AHI1: variants seen among roughly 807,000 people sequenced by gnomAD.
AHI1 encodes Abelson helper integration site 1.
Under a neutral mutation model 149.3 loss-of-function variants are expected in AHI1, and 123 were observed. The observed-to-expected ratio is 0.82, with a 90% CI of 0.71 to 0.96. The LOEUF (loss-of-function observed/expected upper bound fraction) is 0.96, where lower values mean the gene tolerates loss of function less well. Ranked by LOEUF, AHI1 falls within the 40% of genes least tolerant of loss-of-function variation. The probability of loss-of-function intolerance (pLI) is 0.00; values close to 1 mark genes in which losing one functional copy is unlikely to be tolerated. For synonymous variants in AHI1, 475 were observed against 459.8 expected (o/e 1.03, Z -0.42); for missense variants, 1,439 against 1,422.7 (o/e 1.01, Z -0.18).
rs75218524 is a variant in AHI1, at chr6:135,490,449, T to C, written c.135+174A>G. On this transcript the variant is annotated intron_variant, in intron 5 of 28. Coordinates refer to ENST00000265602, the MANE Select transcript of AHI1 (RefSeq NM_001134831.2). ...GCACTCAAGAATGAAGTCAATATTC[T>C]CACAGTGATGTTGATTCTAATATAA... is the stretch of plus-strand genomic sequence containing the variant. 5,014 of 740,466 alleles carry C rather than the reference T, an allele frequency of 6.8e-3. 183 individuals are homozygous for C. In the African/African-American group the frequency reaches 0.078, roughly 11 times the overall value. 45.9% of individuals were successfully genotyped at this position (740,466 alleles called of 1,614,324 possible). A position where few individuals can be genotyped will look rare whatever the true frequency, so the allele number is the denominator to read the frequency against.
intron 22 of AHI1, among the ~76,000 whole-genome samples, chr6:135,395,576 T>C (rs909765404): frequency 6.6e-6 from 1 of 151,960 alleles, no homozygotes; most frequent in Non-Finnish European, 1.5e-5. Flanking sequence ...ACTATAGCTC[T>C]TGTAGGAAAA....
At position 135,447,146 on chromosome 6, in the gene AHI1, G is replaced by A. The variant is rs778441668; in HGVS notation, c.1641C>T (p.Tyr547=). ...CCTCCTGAAGAGCCATCATAGAGCG[G>A]TAAGATGGCTTTATCTAAATATGCA... ...LKVPDCIKPS[Y]RSMMALQEEK... The change falls in exon 13 of 29, where the codon TAC becomes TAT. Residue 547 remains tyrosine (Y), a synonymous_variant. Transcript: ENST00000265602. The A allele has an allele frequency of 2.6e-6, 4 of 1,564,622 alleles. No homozygotes were observed. The highest frequency in any genetic ancestry group is 2.6e-6 in the Non-Finnish European group (3 of 1,157,868).
intron 25 of AHI1, among the ~76,000 whole-genome samples, chr6:135,322,208 C>G (rs1179308601): frequency 6.6e-6 from 1 of 152,108 alleles, no homozygotes; most frequent in Non-Finnish European, 1.5e-5. Flanking sequence ...GTAACTGGGG[C>G]GTATGAGTGT....
At chr6:135,286,496 A>G (rs1206336720) in intron 28 of AHI1, 1 of 152,222 alleles carries the variant, frequency 6.6e-6, no homozygotes, top group Non-Finnish European at 1.5e-5. Context: ...AAATCTGGTT[A>G]AGGTAGCAGT....
intron 23 of AHI1, among the ~76,000 whole-genome samples, chr6:135,370,122 A>G (rs1415814946): frequency 6.6e-6 from 1 of 152,228 alleles, no homozygotes; most frequent in Non-Finnish European, 1.5e-5. Context: ...ACATGTAATC[A>G]GTAGACTGAA....
chr6:135,402,800 A>G (rs567859832), intron 22 of AHI1, among the ~76,000 whole-genome samples: 17 of 152,302 alleles, frequency 1.1e-4, no homozygotes, highest in African/African-American at 3.8e-4. Flanking sequence ...TTACTTTAAG[A>G]ATATAGTATA....
At position 135,302,537 on chromosome 6, in the gene AHI1, T is replaced by C. The variant is rs1048036883; in HGVS notation, c.3427-1979A>G. ...CCCTGCCATCTTTTCTACTGTGTAT[T>C]CCTATCACTGGCATACCCAAATCCT... is the stretch of plus-strand genomic sequence containing the variant. On this transcript the variant is annotated intron_variant, in intron 26 of 28. Coordinates refer to ENST00000265602, the MANE Select transcript of AHI1 (RefSeq NM_001134831.2). 4 of 1,089,628 alleles carry C rather than the reference T, an allele frequency of 3.7e-6. No homozygotes were observed. The African/African-American group carries it at 6.7e-5, about 18-fold the overall frequency. The allele number at this position is 1,089,628 out of a possible 1,614,324, so 67.5% of individuals were successfully genotyped here. A position where few individuals can be genotyped will look rare whatever the true frequency, so the allele number is the denominator to read the frequency against.
rs557628969 is a variant in AHI1, at chr6:135,375,224, T to G, written c.3110-17037A>C. On this transcript the variant is annotated intron_variant, in intron 23 of 28. Coordinates refer to ENST00000265602, the MANE Select transcript of AHI1 (RefSeq NM_001134831.2). Reference sequence around the variant, plus strand: ...TAATATGATTTTAATTTTTAAAAAGTTTTTTTTTCCAGCACTAGACAAGTT... The same window carrying G: ...TAATATGATTTTAATTTTTAAAAAGGTTTTTTTTCCAGCACTAGACAAGTT... Among the ~76,000 whole-genome samples, 21 of 151,350 alleles carry G rather than the reference T, an allele frequency of 1.4e-4. No individual in the cohort carries two copies. The South Asian group carries it at 4.4e-3, about 32-fold the overall frequency.
At chr6:135,310,562 T>C (rs1034569471) in intron 26 of AHI1, among the ~76,000 whole-genome samples, 1 of 152,254 alleles carries the variant, frequency 6.6e-6, no homozygotes, top group Non-Finnish European at 1.5e-5. Context: ...TAAGCCAGCA[T>C]GCTCTTATTG....
chr6:135,367,335 T>A (rs1343166666), intron 23 of AHI1, among the ~76,000 whole-genome samples: 1 of 152,174 alleles, frequency 6.6e-6, no homozygotes, highest in Non-Finnish European at 1.5e-5. Context: ...ATGATGTGAC[T>A]AGGTGATGAT....
intron 21 of AHI1, among the ~76,000 whole-genome samples, chr6:135,410,299 G>A (rs551997650): frequency 2.3e-4 from 35 of 152,298 alleles, no homozygotes; most frequent in African/African-American, 8.2e-4. Context: ...GAGCCCAGGC[G>A]TTCGAGACTG....
intron 25 of AHI1, among the ~76,000 whole-genome samples, chr6:135,320,177 A>G (rs1027165871): frequency 2.0e-5 from 3 of 152,138 alleles, no homozygotes; most frequent in Non-Finnish European, 4.4e-5. Context: ...AATAACCCCT[A>G]ATGAAGTGTG....
At chr6:135,300,972 T>A in intron 26 of AHI1, 6 of 986,158 alleles carry the variant, frequency 6.1e-6, no homozygotes, top group Non-Finnish European at 7.2e-6. Flanking sequence ...TACACATTGA[T>A]CTGTATGCAA....
At chr6:135,485,104 G>A (rs996035544) in intron 5 of AHI1, among the ~76,000 whole-genome samples, 12 of 144,950 alleles carry the variant, frequency 8.3e-5, no homozygotes, top group South Asian at 2.1e-4. Context: ...ACAGAGTTTC[G>A]CTCTTGTAGC....
intron 13 of AHI1, among the ~76,000 whole-genome samples, chr6:135,445,142 T>G (rs1207518162): frequency 6.6e-6 from 1 of 152,244 alleles, no homozygotes; most frequent in African/African-American, 2.4e-5. Context: ...TTTTAAAATG[T>G]ATCTGTAAAA....
chr6:135,350,270 C>CA lies in AHI1; in HGVS notation c.3165+7861dup, dbSNP rs1442022456. Among the ~76,000 whole-genome samples, 3 of 152,144 alleles carry CA rather than the reference C, an allele frequency of 2.0e-5. No individual in the cohort carries two copies. The East Asian group carries it at 5.8e-4, about 29-fold the overall frequency. Reference sequence around the variant, plus strand: ...TTTCTGGGCCCTGTTCTCATTCTCCCAGAGACAGCATAAAAACACACTCCA... The same window carrying CA: ...TTTCTGGGCCCTGTTCTCATTCTCCCAAGAGACAGCATAAAAACACACTCCA... On this transcript the variant is annotated intron_variant, in intron 24 of 28. Coordinates refer to ENST00000265602, the MANE Select transcript of AHI1 (RefSeq NM_001134831.2).
chr6:135,452,112 A>G (rs897472706), intron 11 of AHI1, among the ~76,000 whole-genome samples: 3 of 152,232 alleles, frequency 2.0e-5, no homozygotes, highest in African/African-American at 4.8e-5. Flanking sequence ...ATAGCACATA[A>G]TAATGTAGGT....
chr6:135,349,222 A>T (rs147177494), intron 24 of AHI1, among the ~76,000 whole-genome samples: 136 of 152,316 alleles, frequency 8.9e-4, no homozygotes, highest in African/African-American at 3.0e-3. Context: ...TCTTGGCCTC[A>T]AGCGATCCTC....
chr6:135,404,951 T>G lies in AHI1; in HGVS notation c.2988A>C (p.Lys996Asn), dbSNP rs754777140. Residue 996 changes from lysine to asparagine, a missense_variant and splice_region_variant, in exon 22 of 29, where the codon AAA (lysine) becomes AAC (asparagine). By Grantham distance (94) the Lys-to-Asn change is moderately conservative. Coordinates refer to ENST00000265602, the MANE Select transcript of AHI1 (RefSeq NM_001134831.2). ...VTEVIRSCAA[K>N]VNKNLSFTSP... ...CTTCCTGGTAATAAAAACTACTTACTTTTGCAGCACAGGAACGTATCACCT... is the reference window on the plus strand; with the variant it reads ...CTTCCTGGTAATAAAAACTACTTACGTTTGCAGCACAGGAACGTATCACCT... 1.9e-6 allele frequency: 3 copies of G among 1,607,556 alleles called. No homozygotes were observed. The highest frequency in any genetic ancestry group is 2.2e-5 in the East Asian group (1 of 44,740).
Sources: allele counts gnomAD v4.1 joint callset (sites outside exome capture counted in the v4.1 genomes callset), GRCh38; gene constraint gnomAD v4.1.1; transcripts MANE v1.5; gene names NCBI Gene and HGNC (gene_info 2026-07-23, HGNC 2026-07-21).